CIROZ: variants seen among roughly 807,000 people sequenced by gnomAD.
CIROZ encodes ciliated left-right organizer protein containing ZP-N domains, also known as ciliated left-right organizer ZP-N domains-containing protein.
the CIROZ span, among the ~76,000 whole-genome samples, chr1:10,961,449 G>A: frequency 3.3e-5 from 5 of 152,322 alleles, no homozygotes; most frequent in African/African-American, 7.2e-5. Context: ...ACATGGCAGT[G>A]AGCCGGGCTC....
chr1:10,972,578 C>T, the CIROZ span, among the ~76,000 whole-genome samples: 5 of 152,174 alleles, frequency 3.3e-5, no homozygotes, highest in African/African-American at 9.7e-5. Flanking sequence ...GGCACCTGGG[C>T]CCTGGAGTTG....
chr1:10,974,723 G>A, the CIROZ span, among the ~76,000 whole-genome samples: 4 of 152,140 alleles, frequency 2.6e-5, no homozygotes, highest in African/African-American at 4.8e-5. This position sits in a 1 kb window ranked among gnomAD's most constrained non-coding sequence, Gnocchi z 4.4. Context: ...CAGAGATCCC[G>A]TAACAGAAGT....
chr1:10,976,809 A>G, the CIROZ span, among the ~76,000 whole-genome samples: 1 of 152,148 alleles, frequency 6.6e-6, no homozygotes, highest in African/African-American at 2.4e-5. Flanking sequence ...AGAGAGCCTG[A>G]GAGGACCTCT....
chr1:10,954,174 G>C, the CIROZ span: 1 of 1,600,938 alleles, frequency 6.2e-7, no homozygotes, highest in Non-Finnish European at 8.5e-7. Context: ...GTTGCACATT[G>C]GCTGGGCGCA....
the CIROZ span, among the ~76,000 whole-genome samples, chr1:10,980,215 A>G: frequency 3.9e-5 from 6 of 152,236 alleles, no homozygotes; most frequent in South Asian, 1.0e-3. Context: ...CAGGGCCCAC[A>G]GTCTCCCCAG....
chr1:10,956,679 G>A, the CIROZ span, among the ~76,000 whole-genome samples: 9 of 151,872 alleles, frequency 5.9e-5, no homozygotes, highest in South Asian at 2.1e-4. Context: ...GGGTTTCACC[G>A]TGTTAGCCAG....
At chr1:10,978,648 T>C in the CIROZ span, among the ~76,000 whole-genome samples, 2 of 151,678 alleles carry the variant, frequency 1.3e-5, no homozygotes, top group Admixed American at 6.6e-5. Context: ...AGGTCTAGGT[T>C]GCAATGAGCA....
the CIROZ span, chr1:10,964,113 C>T: frequency 4.3e-5 from 69 of 1,612,976 alleles, no homozygotes; most frequent in South Asian, 5.4e-4. Flanking sequence ...CTCCCAGACC[C>T]CCCGAACCCA....
the CIROZ span, chr1:10,947,760 T>A: frequency 6.3e-7 from 1 of 1,593,918 alleles, no homozygotes; most frequent in Non-Finnish European, 8.6e-7. Flanking sequence ...CTCTGTCAGC[T>A]CCTGCTGGAG....
At chr1:10,965,054 A>G in the CIROZ span, among the ~76,000 whole-genome samples, 1 of 152,186 alleles carries the variant, frequency 6.6e-6, no homozygotes, top group Non-Finnish European at 1.5e-5. Flanking sequence ...GAGCTGGTCT[A>G]GCTCATTCCG....
the CIROZ span, chr1:10,958,883 TG>T: frequency 1.2e-6 from 1 of 827,148 alleles, no homozygotes; most frequent in Non-Finnish European, 1.9e-6. Context: ...GCCGCAGGGT[TG>T]TTTGCTCATT....
At chr1:10,972,913 G>GC in the CIROZ span, among the ~76,000 whole-genome samples, 3,474 of 150,544 alleles carry the variant, frequency 0.023, 58 homozygotes, top group Non-Finnish European at 0.036. Flanking sequence ...ATAGCGAGAT[G>GC]CCCCCCCCAT....
the CIROZ span, chr1:10,949,061 C>T: frequency 2.4e-6 from 1 of 412,796 alleles, no homozygotes. Flanking sequence ...CCCATCTCTA[C>T]TAAAAATACA....
At chr1:10,947,720 G>A in the CIROZ span, 1 of 1,556,076 alleles carries the variant, frequency 6.4e-7, no homozygotes, top group Non-Finnish European at 8.7e-7. Flanking sequence ...CAGGAGGCCT[G>A]TGGCTTTCAG....
the CIROZ span, chr1:10,948,304 C>G: frequency 6.8e-6 from 11 of 1,613,754 alleles, no homozygotes; most frequent in Non-Finnish European, 7.6e-6. Flanking sequence ...TGGGGCTCTC[C>G]GGGAGAACGG....
At chr1:10,977,286 C>T in the CIROZ span, among the ~76,000 whole-genome samples, 1 of 151,834 alleles carries the variant, frequency 6.6e-6, no homozygotes, top group Non-Finnish European at 1.5e-5. Flanking sequence ...GAGTTCAAGA[C>T]CAGCCTGGCC....
the CIROZ span, among the ~76,000 whole-genome samples, chr1:10,968,280 C>G: frequency 6.6e-6 from 1 of 152,168 alleles, no homozygotes; most frequent in Non-Finnish European, 1.5e-5. Context: ...CTGTAATTAT[C>G]TTGTATTGCT....
chr1:10,972,659 C>T, the CIROZ span, among the ~76,000 whole-genome samples: 217 of 152,312 alleles, frequency 1.4e-3, no homozygotes, highest in African/African-American at 4.9e-3. Context: ...TCCAAGACCC[C>T]ATTTCCTTTT....
At chr1:10,979,819 G>A in the CIROZ span, among the ~76,000 whole-genome samples, 13 of 152,280 alleles carry the variant, frequency 8.5e-5, no homozygotes, top group Admixed American at 3.9e-4. Context: ...AAGCGGAGGC[G>A]GGCGGATCAC....
Sources: gnomAD v4.1 joint callset for allele counts (sites outside exome capture counted in the v4.1 genomes callset) on GRCh38, gnomAD v4.1.1 for gene constraint, Gnocchi (gnomAD v3.1) non-coding constraint, MANE v1.5 for transcripts, NCBI Gene and HGNC (gene_info 2026-07-23, HGNC 2026-07-21) for gene names.